The following SEMA6D variants were observed in gnomAD, a reference collection of about 807,000 sequenced individuals.
The protein encoded by SEMA6D is semaphorin-6D.
A neutral mutation model predicts 106.6 loss-of-function variants in SEMA6D; 35 were observed. That is an observed-to-expected ratio of 0.33 (90% CI 0.25 to 0.44). SEMA6D has a LOEUF of 0.44. Among genes scored for constraint, SEMA6D ranks in the 20% least tolerant of loss-of-function variants. The probability of loss-of-function intolerance (pLI) is 1.00; values close to 1 mark genes in which losing one functional copy is unlikely to be tolerated. For synonymous variants in SEMA6D, 499 were observed against 487.7 expected (o/e 1.02, Z -0.31); for missense variants, 1,185 against 1,345.9 (o/e 0.88, Z 1.87).
rs1392991076 is a variant in SEMA6D at position 47,441,826 on chromosome 15, G to C, written c.-158-28648G>C. 2.0e-5 allele frequency among the ~76,000 whole-genome samples: 3 copies of C among 152,032 alleles called. No individual in the cohort carries two copies. The East Asian group carries it at 5.8e-4, about 29-fold the overall frequency. On this transcript the variant is annotated intron_variant, in intron 2 of 19. Transcript: ENST00000558014. ...TAGCCTGTAGATGGCTGATTTCCAC[G>C]TGGTTATTTGGGTCAGGATGGATGG...
chr15:47,509,006 A>G (rs2044140550), intron 3 of SEMA6D, among the ~76,000 whole-genome samples: 1 of 151,874 alleles, frequency 6.6e-6, no homozygotes, highest in Non-Finnish European at 1.5e-5. Context: ...ACAGAGCCCC[A>G]TTAGCAGGTT....
At position 47,481,939 on chromosome 15, in the gene SEMA6D, G is replaced by A. The variant is rs138339699; in HGVS notation, c.-87+11394G>A. On this transcript the variant is annotated intron_variant, in intron 3 of 19. Transcript: ENST00000558014. ...GAAAGCCTCCTGGAAGTTATTTTCC[G>A]AGAGATGAGAGAAGTATTTGACCAG... 2.6e-3 allele frequency among the ~76,000 whole-genome samples: 401 copies of A among 152,250 alleles called. 1 individual carries two copies. The highest frequency in any genetic ancestry group is 3.0e-3 in the Non-Finnish European group (202 of 68,012).
chr15:47,373,779 T>C (rs1233192414), intron 1 of SEMA6D, among the ~76,000 whole-genome samples: 1 of 152,212 alleles, frequency 6.6e-6, no homozygotes, highest in African/African-American at 2.4e-5. Flanking sequence ...GGGTTGTTGT[T>C]GTTTTCTAAT....
Position 47,653,757 on chromosome 15 carries a change from T to C in SEMA6D, c.-55+52861T>C, listed in dbSNP as rs570477701. Among the ~76,000 whole-genome samples the C allele has an allele frequency of 9.8e-5, 15 of 152,370 alleles. No homozygotes were observed. The South Asian group carries it at 3.1e-3, about 32-fold the overall frequency. ...AAAAATGTATCTTATATTTCTCTTGTATGCCGCATAGTAAACAGCCACCCA... is the reference window on the plus strand; with the variant it reads ...AAAAATGTATCTTATATTTCTCTTGCATGCCGCATAGTAAACAGCCACCCA... On this transcript the variant is annotated intron_variant, in intron 4 of 19. Transcript: ENST00000558014.
chr15:47,353,912 A>G (rs1465836251), intron 1 of SEMA6D, among the ~76,000 whole-genome samples: 1 of 152,122 alleles, frequency 6.6e-6, no homozygotes, highest in African/African-American at 2.4e-5. Context: ...CGAGATGTGC[A>G]GGCAATTATG....
At chr15:47,322,612 A>G (rs2036967563) in intron 1 of SEMA6D, among the ~76,000 whole-genome samples, 1 of 152,162 alleles carries the variant, frequency 6.6e-6, no homozygotes, top group South Asian at 2.1e-4. Flanking sequence ...ATTAACCTTG[A>G]TCACTTGGTT....
intron 1 of SEMA6D, among the ~76,000 whole-genome samples, chr15:47,269,787 A>C (rs2034475905): frequency 6.6e-6 from 1 of 152,132 alleles, no homozygotes; most frequent in African/African-American, 2.4e-5. Context: ...GCATGTTATA[A>C]TATCAGCAGA....
chr15:47,694,688 A>ACAAC (rs2078662582), intron 4 of SEMA6D, among the ~76,000 whole-genome samples: 1 of 152,108 alleles, frequency 6.6e-6, no homozygotes, highest in African/African-American at 2.4e-5. Flanking sequence ...ATGAATACAA[A>ACAAC]CAACCCAGCT....
intron 1 of SEMA6D, among the ~76,000 whole-genome samples, chr15:47,248,849 G>T (rs2033349360): frequency 6.6e-6 from 1 of 152,140 alleles, no homozygotes; most frequent in Non-Finnish European, 1.5e-5. Context: ...CTTTAGAACT[G>T]GGGAACCTCA....
At chr15:47,323,434 A>T (rs2037004041) in intron 1 of SEMA6D, among the ~76,000 whole-genome samples, 1 of 152,178 alleles carries the variant, frequency 6.6e-6, no homozygotes, top group Non-Finnish European at 1.5e-5. Flanking sequence ...GCCATCTGTA[A>T]GGCTGAGTCC....
chr15:47,453,544 T>C (rs2042254709), intron 2 of SEMA6D, among the ~76,000 whole-genome samples: 1 of 151,902 alleles, frequency 6.6e-6, no homozygotes, highest in Admixed American at 6.6e-5. Flanking sequence ...GCTGGGAATG[T>C]TACTTAGGGT....
At chr15:47,202,630 A>G (rs1242812997) in intron 1 of SEMA6D, among the ~76,000 whole-genome samples, 1 of 152,192 alleles carries the variant, frequency 6.6e-6, no homozygotes. Context: ...CATGCACTTG[A>G]TCTCTCAAGT....
At chr15:47,382,012 T>G (rs281262) in intron 1 of SEMA6D, among the ~76,000 whole-genome samples, 92,650 of 151,946 alleles carry the variant, frequency 0.61, 30,120 homozygotes, top group Non-Finnish European at 0.72. Context: ...TGTTCTGAGG[T>G]TATTTTGCAT....
chr15:47,493,895 G>C (rs143777095), intron 3 of SEMA6D, among the ~76,000 whole-genome samples: 2 of 152,144 alleles, frequency 1.3e-5, no homozygotes, highest in Non-Finnish European at 2.9e-5. Flanking sequence ...TGGCCAAACT[G>C]TTGGGAATGG....
At chr15:47,642,753 G>A (rs1208634559) in intron 4 of SEMA6D, among the ~76,000 whole-genome samples, 1 of 152,140 alleles carries the variant, frequency 6.6e-6, no homozygotes, top group Non-Finnish European at 1.5e-5. Flanking sequence ...AGAAAAGAAG[G>A]CCATCTCCGA....
intron 1 of SEMA6D, among the ~76,000 whole-genome samples, chr15:47,306,483 A>G (rs2036238308): frequency 6.6e-6 from 1 of 152,170 alleles, no homozygotes; most frequent in Non-Finnish European, 1.5e-5. Context: ...GCACTTTGAG[A>G]GGCTGAGGCG....
chr15:47,610,239 A>G (rs774783713), intron 4 of SEMA6D, among the ~76,000 whole-genome samples: 2 of 152,186 alleles, frequency 1.3e-5, no homozygotes, highest in African/African-American at 4.8e-5. Flanking sequence ...ACCAATGCCT[A>G]GGAAACGTAT....
At chr15:47,467,790 C>A (rs892212476) in intron 2 of SEMA6D, among the ~76,000 whole-genome samples, 7 of 152,068 alleles carry the variant, frequency 4.6e-5, no homozygotes, top group Admixed American at 4.6e-4. Context: ...AGACCTACAC[C>A]GGCAGCATCG....
intron 2 of SEMA6D, among the ~76,000 whole-genome samples, chr15:47,446,317 G>T (rs972939152): frequency 2.0e-5 from 3 of 152,120 alleles, no homozygotes; most frequent in East Asian, 1.9e-4. Context: ...GCATACCAGT[G>T]GGGGGCTGGA....
Sources: allele counts gnomAD v4.1 joint callset (sites outside exome capture counted in the v4.1 genomes callset), GRCh38; gene constraint gnomAD v4.1.1; transcripts MANE v1.5; gene names NCBI Gene and HGNC (gene_info 2026-07-23, HGNC 2026-07-21).